The following GCN1 variants were observed in gnomAD, a reference collection of about 807,000 sequenced individuals.
GCN1 encodes the protein stalled ribosome sensor GCN1.
Under a neutral mutation model 288.4 loss-of-function variants are expected in GCN1, and 90 were observed. The ratio of observed to expected loss-of-function variants is 0.31; its 90% confidence interval spans 0.26 to 0.37. GCN1 has a LOEUF of 0.37. Among genes scored for constraint, GCN1 ranks in the 10% least tolerant of loss-of-function variants. The pLI, the probability that GCN1 is intolerant of heterozygous loss-of-function variation, is 1.00. For missense variants in GCN1, 2,586 were observed against 3,419.9 expected (o/e 0.76, Z 6.08); for synonymous variants, 1,386 against 1,420.2 (o/e 0.98, Z 0.54).
chr12:120,134,279 C>A lies in GCN1; in HGVS notation c.7317+12G>T, dbSNP rs1428991002. 6.3e-7 allele frequency: 1 copy of A among 1,588,346 alleles called. No homozygotes were observed. The highest frequency in any genetic ancestry group is 1.1e-5 in the South Asian group (1 of 90,560). ...GGTCCAGTGCTGCCACTAGTCCTGC[C>A]TGCAGCCGTACCTCATCGTGTCCCA... On this transcript the variant is annotated intron_variant, in intron 53 of 57. Transcript: ENST00000300648. The surrounding 1 kb of genome is among the most constrained non-coding windows in gnomAD (Gnocchi z 5.0).
Position 120,147,291 on chromosome 12 carries a change from G to A in GCN1, c.4727-19C>T. ...GCAATGGCTGCACATCCAAAGAGAA[G>A]AGAGCTGGATGATATACATCTATGC... On this transcript the variant is annotated intron_variant, in intron 37 of 57. Coordinates refer to ENST00000300648, the MANE Select transcript of GCN1 (RefSeq NM_006836.2). 1.4e-6 allele frequency: 2 copies of A among 1,476,988 alleles called. No homozygotes were observed. The highest frequency in any genetic ancestry group is 1.4e-5 in the African/African-American group (1 of 72,428). The allele number at this position is 1,476,988 out of a possible 1,614,324, so 91.5% of individuals were successfully genotyped here. A position where few individuals can be genotyped will look rare whatever the true frequency, so the allele number is the denominator to read the frequency against.
chr12:120,170,399 C>T, intron 14 of GCN1, 78 bp from the exon 15 acceptor site: 1 of 1,293,974 alleles, frequency 7.7e-7, no homozygotes, highest in Non-Finnish European at 1.1e-6. Context: ...TTTATCTAAC[C>T]AGCTGTGAAC....
intron 36 of GCN1, among the ~76,000 whole-genome samples, chr12:120,148,973 C>G (rs904345854): frequency 2.0e-5 from 3 of 151,758 alleles, no homozygotes; most frequent in Non-Finnish European, 4.4e-5. Flanking sequence ...GCATGCACCA[C>G]CACACTTGGC....
chr12:120,157,791 A>G, intron 26 of GCN1, 58 bp downstream of exon 26: 2 of 1,390,238 alleles, frequency 1.4e-6, no homozygotes, highest in Non-Finnish European at 2.0e-6. Context: ...ACGTGTCCAC[A>G]GGCCCTGCCT....
rs898108936 is a variant in GCN1 at position 120,142,710 on chromosome 12, C to A, written c.5626G>T (p.Ala1876Ser). Residue 1876 changes from alanine (A) to serine (S), a missense_variant, in exon 44 of 58, where the codon GCC becomes TCC. This residue lies in a region of GCN1 where 437 missense variants were observed against 570.5 expected (regional missense o/e 0.77). Coordinates refer to ENST00000300648, the MANE Select transcript of GCN1 (RefSeq NM_006836.2). This position sits in a 1 kb window ranked among gnomAD's most constrained non-coding sequence, Gnocchi z 4.9. ...CGGTTCCGCCGCTCTACCCCCAGGG[C>A]AGTGATGATCGCCTGCAGCCAGTAG... ...TAQSNKAIIT[A>S]LGVERRNRVL... The A allele has an allele frequency of 1.2e-6, 2 of 1,614,116 alleles. No homozygotes were observed. The highest frequency in any genetic ancestry group is 2.2e-5 in the East Asian group (1 of 44,888).
At chr12:120,141,721 ATGGTCTTTCGCCACCTCCTCACC>A (rs1375735761) in intron 44 of GCN1, among the ~76,000 whole-genome samples, 1 of 152,148 alleles carries the variant, frequency 6.6e-6, no homozygotes, top group African/African-American at 2.4e-5. Context: ...TCTGTCTGGA[ATGGTCTTTCGCCACCTCCTCACC>A]TGGTTAGTGC....
Position 120,151,302 on chromosome 12 carries a change from C to T in GCN1, c.4152G>A (p.Gln1384=). 6.2e-7 allele frequency: 1 copy of T among 1,614,188 alleles called. No individual in the cohort carries two copies. The highest frequency in any genetic ancestry group is 8.5e-7 in the Non-Finnish European group (1 of 1,180,032). The change falls in exon 34 of 58, where the codon CAG becomes CAA. Residue 1384 remains glutamine, a synonymous_variant. Coordinates refer to ENST00000300648, the MANE Select transcript of GCN1 (RefSeq NM_006836.2). ...AGGMIQRLMQ[Q]LLESDKYAER... is the part of the protein sequence containing the mutation. The stretch of plus-strand genomic sequence containing the variant: ...CTGCGTACTTGTCTGACTCCAGCAG[C>T]TGCTGCATAAGCCTCTGGATCATCC...
At position 120,164,511 on chromosome 12, in the gene GCN1, C is replaced by T; in HGVS notation, c.1689-16G>A. 6.2e-7 allele frequency: 1 copy of T among 1,612,600 alleles called. No individual in the cohort carries two copies. The highest frequency in any genetic ancestry group is 8.5e-7 in the Non-Finnish European group (1 of 1,178,900). ...GTGGTACTGCCTGCAAGCACAGGGA[C>T]AGACAGGTCTGGGGGAAGGCCAAGA... On this transcript the variant is annotated splice_polypyrimidine_tract_variant and intron_variant, in intron 17 of 57. Transcript: ENST00000300648.
chr12:120,179,691 G>A (rs1238198504), intron 5 of GCN1, among the ~76,000 whole-genome samples: 8 of 150,684 alleles, frequency 5.3e-5, no homozygotes, highest in Admixed American at 2.7e-4. Flanking sequence ...GAGCCACTGC[G>A]CCCAGCCGGT....
At chr12:120,185,139 C>T (rs1421532513) in intron 2 of GCN1, among the ~76,000 whole-genome samples, 1 of 152,162 alleles carries the variant, frequency 6.6e-6, no homozygotes, top group East Asian at 1.9e-4. Flanking sequence ...CCTCACATGC[C>T]ATCAAGAGGA....
chr12:120,165,378 C>A (rs1158997527), intron 16 of GCN1, among the ~76,000 whole-genome samples: 2 of 152,068 alleles, frequency 1.3e-5, no homozygotes, highest in African/African-American at 2.4e-5. Flanking sequence ...CCAGGTTGGC[C>A]AGGTTGGACT....
intron 47 of GCN1, 110 bp downstream of exon 47, chr12:120,138,213 C>A (rs1192654009): frequency 2.1e-6 from 2 of 931,242 alleles, no homozygotes; most frequent in African/African-American, 1.6e-5. Flanking sequence ...TGCACTGCAC[C>A]CTCCTCCCCC....
intron 5 of GCN1, among the ~76,000 whole-genome samples, chr12:120,181,160 T>C (rs1878644306): frequency 1.3e-5 from 2 of 152,024 alleles, no homozygotes; most frequent in African/African-American, 4.8e-5. Flanking sequence ...TCCCTATATA[T>C]AGCATAGTAT....
chr12:120,180,513 G>A (rs1878621286), intron 5 of GCN1, among the ~76,000 whole-genome samples: 1 of 151,660 alleles, frequency 6.6e-6, no homozygotes, highest in African/African-American at 2.4e-5. Flanking sequence ...TACTCAGGAG[G>A]AAAATCGCTT....
Position 120,130,771 on chromosome 12 carries a change from C to T in GCN1, c.7564-18G>A, listed in dbSNP as rs376024579. The T allele has an allele frequency of 1.4e-5, 21 of 1,553,420 alleles. No homozygotes were observed. The highest frequency in any genetic ancestry group is 4.5e-5 in the South Asian group (4 of 89,670). On this transcript the variant is annotated intron_variant, in intron 55 of 57. Coordinates refer to ENST00000300648, the MANE Select transcript of GCN1 (RefSeq NM_006836.2). Reference sequence around the variant, plus strand: ...ATGGGGATCTGTGGAGAACAGACAGCGCTAGACGGGAGGCCCCCCACCCCT... The same window carrying T: ...ATGGGGATCTGTGGAGAACAGACAGTGCTAGACGGGAGGCCCCCCACCCCT...
intron 2 of GCN1, among the ~76,000 whole-genome samples, chr12:120,189,909 G>C (rs1468468226): frequency 1.3e-5 from 2 of 152,168 alleles, no homozygotes; most frequent in Non-Finnish European, 2.9e-5. Context: ...AACCCAGCGA[G>C]GCAGAGGTTG....
At chr12:120,171,448 C>CA (rs1173927408) in intron 14 of GCN1, among the ~76,000 whole-genome samples, 2 of 152,086 alleles carry the variant, frequency 1.3e-5, no homozygotes, top group Admixed American at 6.6e-5. Flanking sequence ...GCCTGGGTGA[C>CA]AGAGAGAAAC....
In GCN1 at chr12:120,137,872, G is replaced by A. The variant is rs1877062497; in HGVS notation, c.6393+29C>T. ...GGGATCCTCCGGGCAGACGGGACAT[G>A]AGAAAGCAGGAGCAGGCTCGCCCCT... is the stretch of plus-strand genomic sequence containing the variant. On this transcript the variant is annotated intron_variant, in intron 48 of 57. Coordinates refer to ENST00000300648, the MANE Select transcript of GCN1 (RefSeq NM_006836.2). This position sits in a 1 kb window ranked among gnomAD's most constrained non-coding sequence, Gnocchi z 5.2. 1 of 1,613,288 alleles carries A rather than the reference G, an allele frequency of 6.2e-7. No individual in the cohort carries two copies. Among genetic ancestry groups the A allele is most frequent in the African/African-American group, 1.3e-5 (1 of 74,930 alleles).
intron 19 of GCN1, 45 bp from the exon 20 acceptor site, chr12:120,163,016 C>T (rs551075845): frequency 6.8e-6 from 11 of 1,613,650 alleles, no homozygotes; most frequent in African/African-American, 5.3e-5. Flanking sequence ...CTGGCCTGCT[C>T]TTACCCCATC....
Sources: gnomAD v4.1 joint callset for allele counts (sites outside exome capture counted in the v4.1 genomes callset) on GRCh38, gnomAD v4.1.1 for gene constraint, gnomAD v4.1.1 regional missense constraint, Gnocchi (gnomAD v3.1) non-coding constraint, MANE v1.5 for transcripts, NCBI Gene and HGNC (gene_info 2026-07-23, HGNC 2026-07-21) for gene names.